MALRD1: variants seen among roughly 807,000 people sequenced by gnomAD.
The protein encoded by MALRD1 is MAM and LDL-receptor class A domain-containing protein 1.
A neutral mutation model predicts 242.1 loss-of-function variants in MALRD1; 247 were observed. The observed-to-expected ratio is 1.02, with a 90% CI of 0.92 to 1.13. The LOEUF (loss-of-function observed/expected upper bound fraction) is 1.13, where lower values mean the gene tolerates loss of function less well. Ranked by LOEUF, MALRD1 falls within the 50% of genes most tolerant of loss-of-function variation. MALRD1 has a pLI of 0.00. For missense variants in MALRD1, 2,989 were observed against 2,533.1 expected (o/e 1.18, Z -3.86); for synonymous variants, 995 against 866.6 (o/e 1.15, Z -2.60).
chr10:19,311,628 T>C (rs1034219757), intron 21 of MALRD1, among the ~76,000 whole-genome samples: 2 of 151,474 alleles, frequency 1.3e-5, no homozygotes, highest in African/African-American at 4.8e-5. Context: ...TTATGAACAA[T>C]CTATATGTCT....
chr10:19,241,513 A>T (rs1365700055), intron 18 of MALRD1, among the ~76,000 whole-genome samples: 1 of 151,070 alleles, frequency 6.6e-6, no homozygotes, highest in Non-Finnish European at 1.5e-5. Context: ...ACTTTGTTTT[A>T]TTTATCTTTT....
At chr10:19,291,618 A>T (rs932957003) in intron 21 of MALRD1, 26 of 152,094 alleles carry the variant, frequency 1.7e-4, no homozygotes, top group African/African-American at 6.3e-4. Context: ...CTAGAATCTC[A>T]CTGTTAGGGG....
chr10:19,384,617 TAATA>T (rs1219040233), intron 26 of MALRD1, among the ~76,000 whole-genome samples: 3 of 130,540 alleles, frequency 2.3e-5, no homozygotes, highest in Admixed American at 9.1e-5. Flanking sequence ...ATATATAATA[TAATA>T]TTTACTATAA....
chr10:19,654,226 T>A (rs866930001), intron 36 of MALRD1, among the ~76,000 whole-genome samples: 10 of 122,128 alleles, frequency 8.2e-5, no homozygotes, highest in South Asian at 2.4e-4. Flanking sequence ...ACAAACACAT[T>A]TGATGGATAA....
intron 26 of MALRD1, among the ~76,000 whole-genome samples, chr10:19,352,960 A>G (rs991675564): frequency 3.3e-5 from 5 of 152,098 alleles, no homozygotes; most frequent in African/African-American, 1.2e-4. Context: ...AACGAGACAA[A>G]GGAGTAAATT....
intron 17 of MALRD1, 92 bp downstream of exon 17, chr10:19,205,357 C>T: frequency 1.4e-6 from 2 of 1,383,982 alleles, no homozygotes; most frequent in African/African-American, 3.0e-5. Context: ...AAACCGATAA[C>T]AGTAAGCATA....
chr10:19,350,873 C>T (rs1369361114), intron 25 of MALRD1, among the ~76,000 whole-genome samples: 1 of 151,646 alleles, frequency 6.6e-6, no homozygotes, highest in Non-Finnish European at 1.5e-5. Context: ...AGGTTGGCCC[C>T]TGGCCACTTT....
intron 28 of MALRD1, among the ~76,000 whole-genome samples, chr10:19,439,735 T>C (rs1589075152): frequency 6.6e-6 from 1 of 152,306 alleles, no homozygotes; most frequent in South Asian, 2.1e-4. Flanking sequence ...GTATATAATA[T>C]GTGGACTATT....
chr10:19,633,430 T>C (rs1839995163), intron 36 of MALRD1, among the ~76,000 whole-genome samples: 1 of 152,102 alleles, frequency 6.6e-6, no homozygotes, highest in African/African-American at 2.4e-5. Context: ...CTAAAGACAT[T>C]TGCTGTGGCT....
At chr10:19,204,762 A>C in intron 16 of MALRD1, 136 bp from the exon 17 acceptor site, 1 of 943,808 alleles carries the variant, frequency 1.1e-6, no homozygotes, top group South Asian at 1.8e-5. Context: ...ATGGACAGCC[A>C]CAGTTATTGC....
At chr10:19,505,753 C>G (rs1052358985) in intron 31 of MALRD1, among the ~76,000 whole-genome samples, 1 of 152,110 alleles carries the variant, frequency 6.6e-6, no homozygotes, top group African/African-American at 2.4e-5. Context: ...CACAACTGCT[C>G]GCATAAATGG....
chr10:19,069,955 C>T (rs1238944423), intron 2 of MALRD1, among the ~76,000 whole-genome samples: 1 of 151,966 alleles, frequency 6.6e-6, no homozygotes, highest in Non-Finnish European at 1.5e-5. Context: ...TCCCATTCTC[C>T]CTTTCATTTC....
intron 5 of MALRD1, among the ~76,000 whole-genome samples, chr10:19,119,983 C>T (rs779841374): frequency 1.3e-4 from 20 of 152,168 alleles, no homozygotes; most frequent in Admixed American, 2.6e-4. Context: ...TTCTGTGACC[C>T]GAGGGAAGAG....
At chr10:19,340,857 A>G (rs1843816218) in intron 24 of MALRD1, among the ~76,000 whole-genome samples, 1 of 152,152 alleles carries the variant, frequency 6.6e-6, no homozygotes. Context: ...TCTAGAGAGC[A>G]TCAGCATCTT....
Position 19,586,570 on chromosome 10 carries a change from G to A in MALRD1, c.5681-8624G>A, listed in dbSNP as rs565935236. ...AGGGGTCAGGGACCCACTTGAGGAAGCAGTCTGCCCGTTCTCAGATCTCTA... is the reference window on the plus strand; with the variant it reads ...AGGGGTCAGGGACCCACTTGAGGAAACAGTCTGCCCGTTCTCAGATCTCTA... On this transcript the variant is annotated intron_variant, in intron 33 of 39. Transcript: ENST00000454679. 1.3e-3 allele frequency among the ~76,000 whole-genome samples: 200 copies of A among 152,328 alleles called. 2 individuals are homozygous for A. Among genetic ancestry groups the A allele is most frequent in the Non-Finnish European group, 1.6e-3 (112 of 68,030 alleles).
chr10:19,282,967 A>G (rs773535769), intron 20 of MALRD1, 52 bp from the exon 21 acceptor site: 4 of 1,367,894 alleles, frequency 2.9e-6, no homozygotes, highest in Non-Finnish European at 3.9e-6. Flanking sequence ...GATTGTACAG[A>G]TAGAAACTGC....
chr10:19,568,041 T>C (rs1020875006), intron 33 of MALRD1, among the ~76,000 whole-genome samples: 5 of 152,194 alleles, frequency 3.3e-5, no homozygotes, highest in African/African-American at 1.2e-4. Context: ...CTACCTATTA[T>C]CTTCCAGACT....
intron 21 of MALRD1, among the ~76,000 whole-genome samples, chr10:19,320,520 G>C (rs1842877645): frequency 6.6e-6 from 1 of 152,098 alleles, no homozygotes; most frequent in African/African-American, 2.4e-5. Flanking sequence ...AAGTAGTGCT[G>C]CAATAAACAT....
intron 18 of MALRD1, among the ~76,000 whole-genome samples, chr10:19,221,876 G>T (rs1837567433): frequency 6.6e-6 from 1 of 151,816 alleles, no homozygotes; most frequent in South Asian, 2.1e-4. Flanking sequence ...AAGAAGAAAG[G>T]CAGGAAGGAA....
Sources: gnomAD v4.1 joint callset for allele counts (sites outside exome capture counted in the v4.1 genomes callset) on GRCh38, gnomAD v4.1.1 for gene constraint, MANE v1.5 for transcripts, NCBI Gene and HGNC (gene_info 2026-07-23, HGNC 2026-07-21) for gene names.